TRIM37: variants seen among roughly 807,000 people sequenced by gnomAD.
The protein encoded by TRIM37 is tripartite motif containing 37.
Under a neutral mutation model 129.8 loss-of-function variants are expected in TRIM37, and 80 were observed. The observed-to-expected ratio is 0.62, with a 90% CI of 0.51 to 0.74. The LOEUF (loss-of-function observed/expected upper bound fraction) is 0.74. TRIM37 is among the 30% of genes least tolerant of loss of function. The pLI, the probability that TRIM37 is intolerant of heterozygous loss-of-function variation, is 0.00. For synonymous variants in TRIM37, 389 were observed against 387.1 expected (o/e 1.00, Z -0.06); for missense variants, 1,054 against 1,176.5 (o/e 0.90, Z 1.52).
intron 11 of TRIM37, 114 bp downstream of exon 11, chr17:59,062,453 A>T (rs116265787): frequency 1.2e-6 from 1 of 827,550 alleles, no homozygotes; most frequent in African/African-American, 1.7e-5. Context: ...TGCGGACAGC[A>T]TATGTAACAA....
chr17:58,993,375 G>A (rs1411432844), downstream of TRIM37, among the ~76,000 whole-genome samples: 1 of 152,202 alleles, frequency 6.6e-6, no homozygotes. Context: ...GTTTACAAGA[G>A]TCTAATCACC....
chr17:59,036,372 T>C (rs1271787048), intron 17 of TRIM37, among the ~76,000 whole-genome samples: 1 of 152,124 alleles, frequency 6.6e-6, no homozygotes, highest in Non-Finnish European at 1.5e-5. Context: ...AAAAAGGTTT[T>C]AAGTATCATT....
chr17:59,031,563 TG>T (rs2037847588), intron 18 of TRIM37, among the ~76,000 whole-genome samples: 1 of 152,250 alleles, frequency 6.6e-6, no homozygotes, highest in Non-Finnish European at 1.5e-5. Context: ...TAGTTCCACT[TG>T]GAAGTAAGGG....
chr17:59,035,538 G>A (rs2038369645), intron 17 of TRIM37, among the ~76,000 whole-genome samples: 1 of 151,698 alleles, frequency 6.6e-6, no homozygotes, highest in African/African-American at 2.4e-5. Context: ...TGGATTACGA[G>A]GTCAGGAGTT....
intron 19 of TRIM37, among the ~76,000 whole-genome samples, chr17:59,023,480 C>T (rs1444220501): frequency 5.9e-5 from 9 of 151,972 alleles, no homozygotes; most frequent in African/African-American, 1.9e-4. Context: ...GGTGAAACCC[C>T]GTCTCTACTA....
chr17:58,996,824 G>C (rs1598782460), downstream of TRIM37, among the ~76,000 whole-genome samples: 1 of 148,820 alleles, frequency 6.7e-6, no homozygotes, highest in African/African-American at 2.5e-5. Flanking sequence ...GTGTGTGTAT[G>C]TATGTATATA....
chr17:59,049,218 T>C lies in TRIM37; in HGVS notation c.1490A>G (p.Asp497Gly). 1 of 1,614,194 alleles carries C rather than the reference T, an allele frequency of 6.2e-7. No individual in the cohort carries two copies. The highest frequency in any genetic ancestry group is 1.3e-5 in the African/African-American group (1 of 75,058). Residue 497 changes from aspartate to glycine, a missense_variant, in exon 15 of 24, where the codon GAT (aspartate) becomes GGT (glycine). Physicochemically the swap from Asp to Gly is moderately conservative, Grantham distance 94. This residue lies in a region of TRIM37 where 752 missense variants were observed against 870.8 expected (regional missense o/e 0.86). Transcript: ENST00000262294. ...CTGAATCTTCTCCTCATCTTCTTCATCCTCTTTGGCCTCTCTTACAGAAGC... is the reference window on the plus strand; with the variant it reads ...CTGAATCTTCTCCTCATCTTCTTCACCCTCTTTGGCCTCTCTTACAGAAGC... The part of the protein sequence containing the change: ...TTASVREAKE[D>G]EEDEEKIQNE...
intron 10 of TRIM37, among the ~76,000 whole-genome samples, chr17:59,063,922 G>A (rs2041714820): frequency 1.3e-5 from 2 of 152,166 alleles, no homozygotes; most frequent in Admixed American, 1.3e-4. Context: ...GGGAGGCTGA[G>A]GTGGGAGAAT....
intron 22 of TRIM37, among the ~76,000 whole-genome samples, chr17:59,004,210 G>C (rs1041108664): frequency 6.6e-6 from 1 of 152,012 alleles, no homozygotes; most frequent in Admixed American, 6.6e-5. Flanking sequence ...TAACAAAGGA[G>C]AGACAATAGA....
intron 17 of TRIM37, among the ~76,000 whole-genome samples, chr17:59,033,368 C>T (rs531813042): frequency 6.6e-6 from 1 of 152,254 alleles, no homozygotes; most frequent in East Asian, 1.9e-4. Context: ...AGTTTTTCTT[C>T]CCAGCCTCTG....
chr17:58,990,867 C>T (rs1179946182), intron 24 of TRIM37, among the ~76,000 whole-genome samples: 1 of 150,434 alleles, frequency 6.6e-6, no homozygotes, highest in Non-Finnish European at 1.5e-5. Flanking sequence ...ACCAACCACA[C>T]CACACCTAAG....
In TRIM37 at chr17:59,104,771, T is replaced by C. The variant is rs562176553; in HGVS notation, c.22-377A>G. On this transcript the variant is annotated intron_variant, in intron 1 of 23. Transcript: ENST00000262294. ...AGAAATACTTCTTCATCTAATGATA[T>C]AGAAAAATGCATATAATGTATAACA... Among the ~76,000 whole-genome samples the C allele has an allele frequency of 2.6e-5, 4 of 152,132 alleles. No homozygotes were observed. In the South Asian group the frequency reaches 6.2e-4, roughly 24 times the overall value.
At chr17:58,986,808 C>T (rs943600208) in intron 24 of TRIM37, among the ~76,000 whole-genome samples, 1 of 152,208 alleles carries the variant, frequency 6.6e-6, no homozygotes, top group Non-Finnish European at 1.5e-5. Context: ...CCACGCCCAG[C>T]CCCATCTGTC....
intron 19 of TRIM37, among the ~76,000 whole-genome samples, chr17:59,021,732 T>C (rs1389094326): frequency 6.6e-6 from 1 of 152,136 alleles, no homozygotes; most frequent in East Asian, 1.9e-4. Context: ...CAGTCTACAA[T>C]AATTTATTGT....
intron 19 of TRIM37, among the ~76,000 whole-genome samples, chr17:59,020,973 G>C (rs986935191): frequency 1.3e-5 from 2 of 152,258 alleles, no homozygotes; most frequent in East Asian, 3.9e-4. Flanking sequence ...TCCCACTGCT[G>C]GTTATATACC....
intron 17 of TRIM37, among the ~76,000 whole-genome samples, chr17:59,036,667 T>A (rs1411654426): frequency 1.3e-5 from 2 of 152,076 alleles, no homozygotes; most frequent in Non-Finnish European, 2.9e-5. Context: ...AGCTATCTCC[T>A]TATTTAATAT....
rs1568144512 is a variant in TRIM37 at position 59,064,476 on chromosome 17, G to C, written c.810-71C>G. 2.8e-6 allele frequency: 3 copies of C among 1,075,190 alleles called. No individual in the cohort carries two copies. In the African/African-American group the frequency reaches 4.9e-5, roughly 17 times the overall value. 66.6% of individuals were successfully genotyped at this position (1,075,190 alleles called of 1,614,324 possible). The stretch of plus-strand genomic sequence containing the variant: ...AATTCCATTTGCCTAAAAAAGCCAA[G>C]TCCCTCACTAGTATCTTAAAAACTT... On this transcript the variant is annotated intron_variant, in intron 9 of 23. Coordinates refer to ENST00000262294, the MANE Select transcript of TRIM37 (RefSeq NM_015294.6).
At chr17:59,023,631 G>A (rs928618456) in intron 19 of TRIM37, among the ~76,000 whole-genome samples, 1 of 151,804 alleles carries the variant, frequency 6.6e-6, no homozygotes, top group Non-Finnish European at 1.5e-5. Flanking sequence ...CCCTAGCCTG[G>A]GTGACAGAGC....
In TRIM37 at chr17:59,106,607, G is replaced by A; in HGVS notation, c.-146C>T. 1 of 937,808 alleles carries A rather than the reference G, an allele frequency of 1.1e-6. No homozygotes were observed. Among genetic ancestry groups the A allele is most frequent in the East Asian group, 2.6e-5 (1 of 38,146 alleles). 58.1% of individuals were successfully genotyped at this position (937,808 alleles called of 1,614,324 possible). ...GCTCTGACAACCGCCCCACCTGCGC[G>A]CCCCATCTCTTCAGGTCCAGCGCCG... On this transcript the variant is annotated 5_prime_UTR_variant, in exon 1 of 24. Coordinates refer to ENST00000262294, the MANE Select transcript of TRIM37 (RefSeq NM_015294.6).
Sources: gnomAD v4.1 joint callset for allele counts (sites outside exome capture counted in the v4.1 genomes callset) on GRCh38, gnomAD v4.1.1 for gene constraint, gnomAD v4.1.1 regional missense constraint, MANE v1.5 for transcripts, NCBI Gene and HGNC (gene_info 2026-07-23, HGNC 2026-07-21) for gene names.